COL21A1: variants seen among roughly 807,000 people sequenced by gnomAD.
The protein encoded by COL21A1 is collagen alpha-1(XXI) chain.
In COL21A1, 149 loss-of-function variants were observed where a neutral mutation model predicts 137.9. The ratio of observed to expected loss-of-function variants is 1.08; its 90% CI spans 0.95 to 1.24. The LOEUF (loss-of-function observed/expected upper bound fraction) is 1.24, where lower values mean the gene tolerates loss of function less well. Ranked by LOEUF, COL21A1 falls within the 50% of genes most tolerant of loss-of-function variation. The probability of loss-of-function intolerance (pLI) is 0.00; values close to 1 mark genes in which losing one functional copy is unlikely to be tolerated. For missense variants in COL21A1, 1,167 were observed against 1,158.4 expected (o/e 1.01, Z -0.11); for synonymous variants, 456 against 391.5 (o/e 1.16, Z -1.95).
chr6:56,156,483 G>C (rs916919664), intron 10 of COL21A1, among the ~76,000 whole-genome samples: 3 of 152,164 alleles, frequency 2.0e-5, no homozygotes, highest in Admixed American at 6.5e-5. Flanking sequence ...TCAAGGACCT[G>C]AGAGCCACCC....
rs138257192 is a variant in COL21A1 at position 56,176,175 on chromosome 6, A to C, written c.640+3403T>G. Among the ~76,000 whole-genome samples, 13 of 152,314 alleles carry C rather than the reference A, an allele frequency of 8.5e-5. No homozygotes were observed. The East Asian group carries it at 2.5e-3, about 29-fold the overall frequency. On this transcript the variant is annotated intron_variant, in intron 3 of 29. Transcript: ENST00000244728. ...GATCTGAAACTATAAAATTTCTAAA[A>C]GAAAACTAGGAAAAGCTTCATAACA...
chr6:56,285,331 C>A (rs556502527), intron 1 of COL21A1, among the ~76,000 whole-genome samples: 3 of 152,268 alleles, frequency 2.0e-5, no homozygotes, highest in Admixed American at 6.5e-5. Context: ...TCTTAAAGAG[C>A]AATCAGTTAG....
intron 1 of COL21A1, among the ~76,000 whole-genome samples, chr6:56,343,688 C>T (rs1159312207): frequency 6.6e-6 from 1 of 152,252 alleles, no homozygotes. Flanking sequence ...TGTCTGTAAT[C>T]CCAGTACTTT....
intron 9 of COL21A1, among the ~76,000 whole-genome samples, chr6:56,157,221 G>A (rs898434308): frequency 6.6e-6 from 1 of 151,756 alleles, no homozygotes; most frequent in Non-Finnish European, 1.5e-5. Flanking sequence ...CACATTTATG[G>A]TAGGATACAT....
chr6:56,366,529 A>T (rs2152349400), intron 1 of COL21A1, among the ~76,000 whole-genome samples: 1 of 152,366 alleles, frequency 6.6e-6, no homozygotes, highest in African/African-American at 2.4e-5. Context: ...GTGCCAAAAA[A>T]GCAACTAGCT....
intron 1 of COL21A1, among the ~76,000 whole-genome samples, chr6:56,253,421 A>G (rs1302813754): frequency 1.3e-5 from 2 of 152,210 alleles, no homozygotes; most frequent in African/African-American, 2.4e-5. Context: ...AGAGTTAGTT[A>G]GCTGTTTTCT....
intron 1 of COL21A1, among the ~76,000 whole-genome samples, chr6:56,331,534 T>A (rs1363853539): frequency 7.2e-6 from 1 of 139,008 alleles, no homozygotes; most frequent in Non-Finnish European, 1.6e-5. Flanking sequence ...TTGAAAAGGA[T>A]GTCCTTTCCC....
intron 1 of COL21A1, among the ~76,000 whole-genome samples, chr6:56,307,595 G>C (rs1001434983): frequency 7.2e-5 from 11 of 152,342 alleles, no homozygotes; most frequent in African/African-American, 2.6e-4. Flanking sequence ...GGGTGGGAGT[G>C]ACCCGATTTT....
At chr6:56,219,282 C>T (rs530317886) in intron 1 of COL21A1, among the ~76,000 whole-genome samples, 2 of 149,256 alleles carry the variant, frequency 1.3e-5, no homozygotes, top group Middle Eastern at 3.5e-3. Flanking sequence ...GTCTAATCCA[C>T]TACACCACTA....
At chr6:56,190,341 A>C (rs1447215263) in intron 1 of COL21A1, among the ~76,000 whole-genome samples, 1 of 152,230 alleles carries the variant, frequency 6.6e-6, no homozygotes, top group African/African-American at 2.4e-5. Flanking sequence ...GAAAATCTAG[A>C]ATAAATGGAT....
chr6:56,356,105 A>C (rs773884199), intron 1 of COL21A1, among the ~76,000 whole-genome samples: 4 of 152,204 alleles, frequency 2.6e-5, no homozygotes, highest in Non-Finnish European at 5.9e-5. Flanking sequence ...AATGTAATGT[A>C]TTCAAGCACA....
chr6:56,262,589 T>TA (rs1426739278), intron 1 of COL21A1, among the ~76,000 whole-genome samples: 3 of 152,168 alleles, frequency 2.0e-5, no homozygotes, highest in Non-Finnish European at 4.4e-5. Context: ...TCTGTAGATC[T>TA]AAAATTGTAT....
intron 1 of COL21A1, among the ~76,000 whole-genome samples, chr6:56,238,490 C>T (rs142342066): frequency 6.7e-6 from 1 of 149,528 alleles, no homozygotes; most frequent in South Asian, 2.1e-4. Context: ...CACCACAAAC[C>T]ACTTGCAGTT....
At chr6:56,341,794 T>C (rs1433646507) in intron 1 of COL21A1, among the ~76,000 whole-genome samples, 1 of 152,106 alleles carries the variant, frequency 6.6e-6, no homozygotes, top group Non-Finnish European at 1.5e-5. Context: ...AGGCAGTTGA[T>C]AGTGAGGGAG....
At chr6:56,093,421 C>T (rs562353784) in intron 17 of COL21A1, among the ~76,000 whole-genome samples, 27 of 152,230 alleles carry the variant, frequency 1.8e-4, no homozygotes, top group African/African-American at 6.3e-4. Flanking sequence ...TATCCCTTTC[C>T]ATCTGTGAAC....
At chr6:56,212,808 A>G (rs538705316) in intron 1 of COL21A1, among the ~76,000 whole-genome samples, 1 of 152,160 alleles carries the variant, frequency 6.6e-6, no homozygotes, top group African/African-American at 2.4e-5. Flanking sequence ...TCACCACAAC[A>G]TGTTTATATA....
intron 17 of COL21A1, among the ~76,000 whole-genome samples, chr6:56,097,927 A>C (rs1397712057): frequency 1.0e-4 from 10 of 99,080 alleles, no homozygotes; most frequent in Non-Finnish European, 1.8e-4. Flanking sequence ...ATAAATATAT[A>C]AATATATAAA....
At chr6:56,115,088 G>A (rs1771800950) in intron 16 of COL21A1, among the ~76,000 whole-genome samples, 1 of 150,834 alleles carries the variant, frequency 6.6e-6, no homozygotes, top group Non-Finnish European at 1.5e-5. Flanking sequence ...ACTCATAGGT[G>A]GGAATTGAAC....
intron 17 of COL21A1, among the ~76,000 whole-genome samples, chr6:56,098,019 A>ATG (rs1485605503): frequency 1.4e-5 from 1 of 69,782 alleles, no homozygotes; most frequent in African/African-American, 6.6e-5. Context: ...ATAAATATAT[A>ATG]TAAATATATA....
Sources: allele counts gnomAD v4.1 joint callset (sites outside exome capture counted in the v4.1 genomes callset), GRCh38; gene constraint gnomAD v4.1.1; transcripts MANE v1.5; gene names NCBI Gene and HGNC (gene_info 2026-07-23, HGNC 2026-07-21).